ABLIM1: variants seen among roughly 807,000 people sequenced by gnomAD.
ABLIM1 encodes actin binding LIM protein 1.
In ABLIM1, 40 loss-of-function variants were observed where a neutral mutation model predicts 107.0. The observed-to-expected ratio is 0.37, with a 90% confidence interval of 0.29 to 0.49. ABLIM1 has a LOEUF of 0.49. Among genes scored for constraint, ABLIM1 ranks in the 20% least tolerant of loss-of-function variants. The pLI, the probability that ABLIM1 is intolerant of heterozygous loss-of-function variation, is 0.97. For synonymous variants in ABLIM1, 357 were observed against 357.3 expected (o/e 1.00, Z 0.01); for missense variants, 857 against 1,008.5 (o/e 0.85, Z 2.04).
intron 2 of ABLIM1, among the ~76,000 whole-genome samples, chr10:114,598,100 C>A (rs1276542357): frequency 2.6e-5 from 4 of 151,996 alleles, no homozygotes; most frequent in Admixed American, 1.3e-4. Context: ...GGTAAAACCC[C>A]GTGTCTACAA....
chr10:114,566,739 C>T (rs901266964), intron 4 of ABLIM1, among the ~76,000 whole-genome samples: 4 of 152,106 alleles, frequency 2.6e-5, no homozygotes, highest in African/African-American at 7.2e-5. Flanking sequence ...AAGTTGTTTG[C>T]GTCTATGAAT....
At chr10:114,569,327 T>G (rs541724579) in intron 4 of ABLIM1, among the ~76,000 whole-genome samples, 3 of 152,026 alleles carry the variant, frequency 2.0e-5, no homozygotes, top group African/African-American at 7.2e-5. Context: ...TTTCTTTTTT[T>G]TTTTTCTTTG....
chr10:114,448,636 C>CA (rs1216760343), intron 14 of ABLIM1, among the ~76,000 whole-genome samples: 7 of 127,502 alleles, frequency 5.5e-5, no homozygotes, highest in African/African-American at 2.4e-4. Context: ...TTATTTGAGA[C>CA]AGAGTCTCAC....
chr10:114,549,156 G>T (rs1008345044), intron 4 of ABLIM1, among the ~76,000 whole-genome samples: 7 of 152,126 alleles, frequency 4.6e-5, no homozygotes, highest in Non-Finnish European at 8.8e-5. Flanking sequence ...AGGCCGAGGC[G>T]GATGGATCAC....
chr10:114,667,781 C>T (rs2080087617), intron 1 of ABLIM1, among the ~76,000 whole-genome samples: 3 of 152,158 alleles, frequency 2.0e-5, no homozygotes, highest in Admixed American at 2.0e-4. Context: ...GCCCTTTCAC[C>T]CCAGCTTCTT....
At chr10:114,632,141 C>CCCG in intron 1 of ABLIM1, 1 of 985,406 alleles carries the variant, frequency 1.0e-6, no homozygotes. Context: ...TCTCCGCCCG[C>CCCG]CCGCCGAGCT....
intron 6 of ABLIM1, among the ~76,000 whole-genome samples, chr10:114,544,242 T>C (rs1454320322): frequency 6.6e-6 from 1 of 152,188 alleles, no homozygotes; most frequent in African/African-American, 2.4e-5. Flanking sequence ...GCTTGGGCCA[T>C]ACTCTCCACG....
chr10:114,627,474 G>C (rs2077888788), intron 1 of ABLIM1, among the ~76,000 whole-genome samples: 1 of 152,082 alleles, frequency 6.6e-6, no homozygotes, highest in African/African-American at 2.4e-5. Context: ...GGCAGCTGTT[G>C]TATCTTCTAA....
chr10:114,667,462 T>C (rs2080074233), intron 1 of ABLIM1, among the ~76,000 whole-genome samples: 1 of 152,248 alleles, frequency 6.6e-6, no homozygotes, highest in Admixed American at 6.5e-5. Flanking sequence ...ACTAGTAGGA[T>C]ACTATTACAC....
chr10:114,761,200 C>T (rs1383321088), intron 1 of ABLIM1, among the ~76,000 whole-genome samples: 1 of 151,902 alleles, frequency 6.6e-6, no homozygotes, highest in Non-Finnish European at 1.5e-5. Flanking sequence ...ATGAAGAAGT[C>T]TCCCATTTAT....
In ABLIM1 at chr10:114,472,856, G is replaced by A. The variant is rs1021645264; in HGVS notation, c.1275+121C>T. On this transcript the variant is annotated intron_variant, in intron 10 of 22. Transcript: ENST00000533213. ...CTCAAAGCACCTGGTCTAGAAATCT[G>A]CAAATACTAGGCAGACAAAAGACCA... The A allele has an allele frequency of 5.8e-6, 6 of 1,026,764 alleles. No individual in the cohort carries two copies. In the African/African-American group the frequency reaches 9.8e-5, roughly 17 times the overall value. 63.6% of individuals were successfully genotyped at this position (1,026,764 alleles called of 1,614,324 possible). A position where few individuals can be genotyped will look rare whatever the true frequency, so the allele number is the denominator to read the frequency against.
chr10:114,504,082 C>T (rs2060794917), intron 6 of ABLIM1, among the ~76,000 whole-genome samples: 2 of 152,310 alleles, frequency 1.3e-5, no homozygotes, highest in African/African-American at 2.4e-5. Context: ...CCAAGGCTCA[C>T]TGAAAACACA....
chr10:114,631,971 T>C (rs2078212255), intron 1 of ABLIM1: 2 of 1,302,680 alleles, frequency 1.5e-6, no homozygotes, highest in Non-Finnish European at 1.0e-6. Context: ...GAATAAACTC[T>C]GGGAGTGGAA....
the ABLIM1 span, among the ~76,000 whole-genome samples, chr10:114,794,619 T>G: frequency 6.6e-6 from 1 of 152,220 alleles, no homozygotes; most frequent in Non-Finnish European, 1.5e-5. Context: ...ATGCTGATGT[T>G]TTTTAATGCT....
chr10:114,637,990 C>G (rs911202576), intron 1 of ABLIM1, among the ~76,000 whole-genome samples: 2 of 152,182 alleles, frequency 1.3e-5, no homozygotes, highest in Non-Finnish European at 1.5e-5. Context: ...TGACAACACT[C>G]CCCTCTTTCT....
At chr10:114,501,106 T>C (rs1269553087) in intron 6 of ABLIM1, among the ~76,000 whole-genome samples, 2 of 152,214 alleles carry the variant, frequency 1.3e-5, no homozygotes, top group Admixed American at 6.5e-5. Flanking sequence ...GCCTCAGCTA[T>C]AGTTTCAGTA....
upstream of ABLIM1, among the ~76,000 whole-genome samples, chr10:114,687,524 G>A (rs980581978): frequency 2.6e-5 from 4 of 152,210 alleles, no homozygotes; most frequent in Non-Finnish European, 4.4e-5. Context: ...AGGTATGACC[G>A]ATAGTGATGC....
chr10:114,516,312 C>T (rs1034890735), intron 6 of ABLIM1, among the ~76,000 whole-genome samples: 6 of 152,020 alleles, frequency 3.9e-5, no homozygotes, highest in Admixed American at 2.6e-4. Flanking sequence ...TCACTTGAGG[C>T]CAGGAGTTTA....
Position 114,624,227 on chromosome 10 carries a change from G to C in ABLIM1, c.245-22266C>G, listed in dbSNP as rs181218677. Among the ~76,000 whole-genome samples the C allele has an allele frequency of 4.6e-5, 7 of 152,290 alleles. No individual in the cohort carries two copies. In the East Asian group the frequency reaches 1.4e-3, roughly 29 times the overall value. ...CTGAAAAGTTCTCTGGCTCTTTAATGCTGGCTCAGGAAAACACTCAGCACT... is the reference window on the plus strand; with the variant it reads ...CTGAAAAGTTCTCTGGCTCTTTAATCCTGGCTCAGGAAAACACTCAGCACT... On this transcript the variant is annotated intron_variant, in intron 1 of 22. Coordinates refer to ENST00000533213, the MANE Select transcript of ABLIM1 (RefSeq NM_002313.7).
Sources: gnomAD v4.1 joint callset for allele counts (sites outside exome capture counted in the v4.1 genomes callset) on GRCh38, gnomAD v4.1.1 for gene constraint, MANE v1.5 for transcripts, NCBI Gene and HGNC (gene_info 2026-07-23, HGNC 2026-07-21) for gene names.